MZT2A: variants seen among roughly 807,000 people sequenced by gnomAD.
MZT2A encodes mitotic spindle organizing protein 2A, also known as mitotic-spindle organizing protein 2A.
A neutral mutation model predicts 12.4 loss-of-function variants in MZT2A; 8 were observed. That is an observed-to-expected ratio of 0.64 (90% CI 0.38 to 1.16). The LOEUF (loss-of-function observed/expected upper bound fraction) is 1.16. Ranked by LOEUF, MZT2A falls within the 50% of genes most tolerant of loss-of-function variation. The pLI is 0.01. For synonymous variants in MZT2A, 88 were observed against 107.5 expected (o/e 0.82, Z 1.12); for missense variants, 181 against 223.6 (o/e 0.81, Z 1.22).
intron 2 of MZT2A, among the ~76,000 whole-genome samples, chr2:131,485,175 CGT>C (rs1170747279): frequency 3.9e-5 from 6 of 152,144 alleles, no homozygotes; most frequent in African/African-American, 1.4e-4. Flanking sequence ...CTAAACAGGG[CGT>C]GTGTCCCCTG....
At chr2:131,492,920 C>T, upstream of MZT2A, 4 of 1,513,942 alleles carry the variant, frequency 2.6e-6, no homozygotes, top group Non-Finnish European at 3.6e-6. Context: ...ACCACTCCCT[C>T]CCCCCGCACT....
downstream of MZT2A, among the ~76,000 whole-genome samples, chr2:131,481,139 G>C (rs1187443603): frequency 2.6e-5 from 4 of 151,944 alleles, no homozygotes; most frequent in African/African-American, 9.7e-5. Context: ...CCTGACCTCA[G>C]GTGATCTGCC....
At chr2:131,482,989 G>C, downstream of MZT2A, 3 of 1,417,754 alleles carry the variant, frequency 2.1e-6, no homozygotes, top group East Asian at 2.4e-5. Flanking sequence ...TGGGACCCTA[G>C]AGCCTGCATG....
intron 2 of MZT2A, among the ~76,000 whole-genome samples, chr2:131,474,815 C>T (rs2105265706): frequency 6.7e-6 from 1 of 148,218 alleles, no homozygotes; most frequent in East Asian, 2.0e-4. Context: ...GACAACACAG[C>T]AAGACTTCTT....
At chr2:131,492,907 A>T, upstream of MZT2A, 1 of 1,512,228 alleles carries the variant, frequency 6.6e-7, no homozygotes, top group Non-Finnish European at 8.9e-7. Context: ...CATTCAGCTA[A>T]GGACCACTCC....
chr2:131,472,015 C>G, intron 3 of MZT2A: 1 of 1,271,648 alleles, frequency 7.9e-7, no homozygotes, highest in South Asian at 1.3e-5. Context: ...CAGAATCTTA[C>G]AAAACTCTGC....
upstream of MZT2A, chr2:131,492,819 C>A (rs1241470270): frequency 1.4e-6 from 2 of 1,444,314 alleles, no homozygotes; most frequent in African/African-American, 1.4e-5. Flanking sequence ...ACCCTGCTTA[C>A]GCGCACGCGC....
At chr2:131,482,797 G>T (rs771040704), downstream of MZT2A, 1 of 1,614,246 alleles carries the variant, frequency 6.2e-7, no homozygotes, top group South Asian at 1.1e-5. Context: ...ATTATGAAGA[G>T]GTGGGCGTGG....
intron 2 of MZT2A, among the ~76,000 whole-genome samples, chr2:131,485,233 T>G (rs573220531): frequency 4.1e-4 from 62 of 152,272 alleles, no homozygotes; most frequent in African/African-American, 1.5e-3. Context: ...CAGCATTTCC[T>G]TTGTCCTGAC....
At chr2:131,493,190 T>C (rs1377876716), upstream of MZT2A, 1 of 1,399,458 alleles carries the variant, frequency 7.1e-7, no homozygotes, top group African/African-American at 1.5e-5. Flanking sequence ...CCTGGGGGCT[T>C]CCGCGAGCCC....
At chr2:131,474,405 C>T (rs201555439) in intron 2 of MZT2A, among the ~76,000 whole-genome samples, 1 of 94,842 alleles carries the variant, frequency 1.1e-5, no homozygotes, top group Non-Finnish European at 2.0e-5. Context: ...TCTTCTTCTT[C>T]TTTTTTTTTT....
chr2:131,482,641 G>A (rs1275178109), downstream of MZT2A: 12 of 1,614,084 alleles, frequency 7.4e-6, no homozygotes, highest in Non-Finnish European at 9.3e-6. Flanking sequence ...GCAACACCAC[G>A]GCCATTGCGG....
At chr2:131,476,167 C>A (rs2622026) in intron 2 of MZT2A, 155,330 of 1,595,570 alleles carry the variant, frequency 0.097, 13,531 homozygotes, top group African/African-American at 0.44. Flanking sequence ...TGAGGTCTGG[C>A]AGTAGCGTTG....
At chr2:131,478,135 T>C (rs762539966) in intron 2 of MZT2A, 10 of 1,597,796 alleles carry the variant, frequency 6.3e-6, no homozygotes, top group Non-Finnish European at 2.6e-6. Flanking sequence ...TTGAAATGAA[T>C]GGGTTCACTT....
intron 2 of MZT2A, chr2:131,490,506 A>G: frequency 2.1e-6 from 3 of 1,430,384 alleles, no homozygotes; most frequent in Non-Finnish European, 2.7e-6. Flanking sequence ...CCCGGATGCC[A>G]GCCCGACTGT....
intron 2 of MZT2A, chr2:131,478,481 G>A (rs1331513776): frequency 4.0e-5 from 54 of 1,357,674 alleles, no homozygotes; most frequent in Non-Finnish European, 5.4e-5. Flanking sequence ...CCTGCTGAAA[G>A]GATGGGATAG....
intron 2 of MZT2A, among the ~76,000 whole-genome samples, chr2:131,487,019 C>T (rs1679077033): frequency 6.6e-6 from 1 of 152,146 alleles, no homozygotes; most frequent in Non-Finnish European, 1.5e-5. Context: ...TTGCTTAGCC[C>T]TGCTCCCTCG....
chr2:131,493,268 C>T (rs958334637), upstream of MZT2A: 4 of 1,337,392 alleles, frequency 3.0e-6, no homozygotes, highest in South Asian at 1.9e-5. Flanking sequence ...CTGCCCAGGC[C>T]GGGCAGGCTG....
downstream of MZT2A, among the ~76,000 whole-genome samples, chr2:131,482,120 G>T (rs1376565614): frequency 1.3e-5 from 2 of 152,224 alleles, no homozygotes; most frequent in Admixed American, 6.5e-5. Context: ...ACAGTGGCTT[G>T]TTCTGTGGGT....
Sources: gnomAD v4.1 joint callset for allele counts (sites outside exome capture counted in the v4.1 genomes callset) on GRCh38, gnomAD v4.1.1 for gene constraint, MANE v1.5 for transcripts, NCBI Gene and HGNC (gene_info 2026-07-23, HGNC 2026-07-21) for gene names.